Variants in ZC3H12B observed in about 807,000 individuals in gnomAD.
ZC3H12B encodes probable ribonuclease ZC3H12B.
Under a neutral mutation model 43.9 loss-of-function variants are expected in ZC3H12B, and 7 were observed. The observed-to-expected ratio is 0.16, with a 90% CI of 0.09 to 0.30. The LOEUF (loss-of-function observed/expected upper bound fraction) is 0.30, where lower values mean the gene tolerates loss of function less well. Ranked by LOEUF, ZC3H12B falls within the 10% of genes least tolerant of loss-of-function variation. The probability of loss-of-function intolerance (pLI) is 1.00; values close to 1 mark genes in which losing one functional copy is unlikely to be tolerated. For synonymous variants in ZC3H12B, 222 were observed against 241.7 expected, an observed-to-expected ratio of 0.92 and a Z score of 0.76; for missense variants, 475 against 670.2, an observed-to-expected ratio of 0.71 and a Z score of 3.22.
the ZC3H12B span, among the ~76,000 whole-genome samples, chrX:65,225,018 G>A: frequency 1.8e-5 from 2 of 111,791 alleles, no homozygotes; most frequent in Non-Finnish European, 1.9e-5. Context: ...GTTGAAGACA[G>A]CAGTGGTTCT....
chrX:65,236,163 C>T, the ZC3H12B span, among the ~76,000 whole-genome samples: 1 of 111,986 alleles, frequency 8.9e-6, no homozygotes. Flanking sequence ...GAAGTTTTCA[C>T]TCTGATTGTG....
the ZC3H12B span, among the ~76,000 whole-genome samples, chrX:65,267,919 G>T: frequency 2.7e-5 from 3 of 111,293 alleles, no homozygotes; most frequent in East Asian, 2.8e-4. Context: ...AAATAATAAA[G>T]ATCAGAACAG....
chrX:65,304,083 G>A, the ZC3H12B span, among the ~76,000 whole-genome samples: 1 of 112,149 alleles, frequency 8.9e-6, no homozygotes, highest in Admixed American at 9.5e-5. Flanking sequence ...GAGCCAAAAC[G>A]TTATGTGGAA....
At chrX:65,427,088 G>C (rs1017474674) in intron 3 of ZC3H12B, among the ~76,000 whole-genome samples, 25 of 111,415 alleles carry the variant, frequency 2.2e-4, no homozygotes, top group African/African-American at 8.2e-4. Context: ...TTATTGTGTG[G>C]GAGTCTAAGT....
At chrX:65,335,258 C>CT in the ZC3H12B span, among the ~76,000 whole-genome samples, 2 of 111,418 alleles carry the variant, frequency 1.8e-5, no homozygotes, top group African/African-American at 3.3e-5. Context: ...GGCACCTCCT[C>CT]TTTTTTTCTG....
chrX:65,421,436 G>A lies in ZC3H12B; in HGVS notation n.407+22732G>A, dbSNP rs57284852. On this transcript the variant is annotated intron_variant and non_coding_transcript_variant, in intron 3 of 5. Transcript: ENST00000617377. ...AGTCCTCAGTACAGCATTATTTATC[G>A]GCACGATCAGCCAAGCTACCTGATA... Among the ~76,000 whole-genome samples, 256 of 111,921 alleles carry A rather than the reference G, an allele frequency of 2.3e-3. 2 individuals are homozygous for A. Among genetic ancestry groups the A allele is most frequent in the African/African-American group, 7.6e-3 (234 of 30,830 alleles).
At chrX:65,089,615 G>T in the ZC3H12B span, among the ~76,000 whole-genome samples, 3 of 111,385 alleles carry the variant, frequency 2.7e-5, no homozygotes, top group East Asian at 8.4e-4. Flanking sequence ...ATTAATCTTA[G>T]CTTAGTATAA....
chrX:65,202,721 C>T, the ZC3H12B span, among the ~76,000 whole-genome samples: 1 of 111,035 alleles, frequency 9.0e-6, no homozygotes, highest in African/African-American at 3.3e-5. Flanking sequence ...TGGATCTTAC[C>T]TAAGACCTGT....
rs765280788 is a variant in ZC3H12B at position 65,433,198 on chromosome X, T to C, written n.407+34494T>C. On this transcript the variant is annotated intron_variant and non_coding_transcript_variant, in intron 3 of 5. Coordinates refer to the ZC3H12B transcript ENST00000617377. ...GTTACCACTTGTTTTAAGTTTATAA[T>C]AATCTTCTGTCATTCTCCTGGATTC... is the stretch of plus-strand genomic sequence containing the variant. Among the ~76,000 whole-genome samples the C allele has an allele frequency of 4.4e-5, 5 of 112,647 alleles. No homozygotes were observed. The East Asian group carries it at 1.4e-3, about 32-fold the overall frequency.
chrX:65,383,047 C>A (rs927024505), intron 2 of ZC3H12B, among the ~76,000 whole-genome samples: 1 of 111,164 alleles, frequency 9.0e-6, no homozygotes, highest in Non-Finnish European at 1.9e-5. Flanking sequence ...TTTACAGATT[C>A]AATGCCATCC....
intron 2 of ZC3H12B, among the ~76,000 whole-genome samples, chrX:65,376,430 G>A (rs769895094): frequency 9.0e-6 from 1 of 111,372 alleles, no homozygotes; most frequent in African/African-American, 3.3e-5. Flanking sequence ...GTGAAAATAG[G>A]TGGTAGCCAG....
At chrX:65,294,536 G>T in the ZC3H12B span, among the ~76,000 whole-genome samples, 1 of 111,480 alleles carries the variant, frequency 9.0e-6, no homozygotes, top group Non-Finnish European at 1.9e-5. Flanking sequence ...TGCCCTAAAT[G>T]CTCCACCTAA....
At chrX:65,182,116 G>T in the ZC3H12B span, among the ~76,000 whole-genome samples, 1 of 111,395 alleles carries the variant, frequency 9.0e-6, no homozygotes, top group East Asian at 2.8e-4. Context: ...CATGGATGAA[G>T]CTGGAAGTCA....
the ZC3H12B span, chrX:65,330,937 A>T: frequency 3.4e-6 from 1 of 295,572 alleles, no homozygotes; most frequent in Non-Finnish European, 6.7e-6. Context: ...TTTCTGTTAC[A>T]CACAAGATGT....
chrX:65,055,088 G>A, the ZC3H12B span, among the ~76,000 whole-genome samples: 2 of 110,919 alleles, frequency 1.8e-5, no homozygotes, highest in Admixed American at 1.9e-4. Flanking sequence ...TCCTTCTCCT[G>A]CCTGATTGCG....
the ZC3H12B span, among the ~76,000 whole-genome samples, chrX:65,232,794 G>C: frequency 9.1e-6 from 1 of 109,703 alleles, no homozygotes; most frequent in African/African-American, 3.3e-5. Context: ...AAAAGACATA[G>C]AGTGGCTGAA....
At chrX:65,129,984 G>C in the ZC3H12B span, among the ~76,000 whole-genome samples, 1 of 111,521 alleles carries the variant, frequency 9.0e-6, no homozygotes, top group Non-Finnish European at 1.9e-5. Context: ...GAAGACACAA[G>C]GTCCAAATAA....
At chrX:65,111,630 G>A in the ZC3H12B span, among the ~76,000 whole-genome samples, 1 of 109,617 alleles carries the variant, frequency 9.1e-6, no homozygotes, top group African/African-American at 3.3e-5. Context: ...TTTTCCAAAA[G>A]CATGTGTTGC....
At chrX:65,431,525 C>T in intron 3 of ZC3H12B, among the ~76,000 whole-genome samples, 1 of 112,061 alleles carries the variant, frequency 8.9e-6, no homozygotes. Context: ...GTTTATGAGC[C>T]CAATGGGCAA....
Sources: allele counts gnomAD v4.1 joint callset (sites outside exome capture counted in the v4.1 genomes callset), GRCh38; gene constraint gnomAD v4.1.1; transcripts MANE v1.5; gene names NCBI Gene and HGNC (gene_info 2026-07-23, HGNC 2026-07-21).